The following PDSS2 variants were observed in gnomAD, a reference collection of about 807,000 sequenced individuals.
PDSS2 encodes decaprenyl diphosphate synthase subunit 2, also known as all trans-polyprenyl-diphosphate synthase PDSS2.
A neutral mutation model predicts 44.5 loss-of-function variants in PDSS2; 31 were observed. The observed-to-expected ratio is 0.70, with a 90% confidence interval of 0.52 to 0.94. The LOEUF (loss-of-function observed/expected upper bound fraction) is 0.94, where lower values mean the gene tolerates loss of function less well. PDSS2 is among the 40% of genes least tolerant of loss of function. The pLI, the probability that PDSS2 is intolerant of heterozygous loss-of-function variation, is 0.00. For missense variants in PDSS2, 452 were observed against 482.2 expected, an observed-to-expected ratio of 0.94 and a Z score of 0.59; for synonymous variants, 157 against 180.3, an observed-to-expected ratio of 0.87 and a Z score of 1.03.
chr6:107,257,880 G>T (rs1025227031), intron 3 of PDSS2, among the ~76,000 whole-genome samples: 1 of 152,192 alleles, frequency 6.6e-6, no homozygotes, highest in Non-Finnish European at 1.5e-5. Flanking sequence ...GCCTCCCAAA[G>T]TGCTGGGATT....
chr6:107,326,332 A>G (rs1267219778), intron 2 of PDSS2, among the ~76,000 whole-genome samples: 1 of 150,344 alleles, frequency 6.7e-6, no homozygotes, highest in Non-Finnish European at 1.5e-5. Flanking sequence ...CTGGTCTCAA[A>G]CTCCTGACCT....
At chr6:107,338,750 A>G (rs905671285) in intron 1 of PDSS2, among the ~76,000 whole-genome samples, 15 of 152,352 alleles carry the variant, frequency 9.8e-5, no homozygotes, top group African/African-American at 3.1e-4. Context: ...AGAGGAGGAC[A>G]CAGTTGTTTC....
rs1554264649 is a variant in PDSS2, at chr6:107,310,304, A to AG, written c.431+23893_431+23894insC. On this transcript the variant is annotated intron_variant, in intron 2 of 7. Transcript: ENST00000369037. Reference sequence around the variant, plus strand: ...CATCCCAAAAAAAAAAAAAAAAAAAAAGAGAAAGAAATGCAATTGTCTTAA... The same window carrying AG: ...CATCCCAAAAAAAAAAAAAAAAAAAAGAGAGAAAGAAATGCAATTGTCTTAA... Among the ~76,000 whole-genome samples the AG allele has an allele frequency of 5.4e-4, 78 of 143,886 alleles. 1 individual carries two copies. The highest frequency in any genetic ancestry group is 1.7e-3 in the Admixed American group (24 of 13,972). The allele number at this position is 143,886 out of a possible 152,430, so 94.4% of individuals were successfully genotyped here. A position where few individuals can be genotyped will look rare whatever the true frequency, so the allele number is the denominator to read the frequency against.
intron 1 of PDSS2, among the ~76,000 whole-genome samples, chr6:107,395,632 C>T: frequency 6.6e-6 from 1 of 151,996 alleles, no homozygotes; most frequent in Non-Finnish European, 1.5e-5. Flanking sequence ...CATTTCTCTA[C>T]TTATGTTGAT....
At chr6:107,372,745 C>CCCGG (rs1277691335) in intron 1 of PDSS2, among the ~76,000 whole-genome samples, 1 of 152,150 alleles carries the variant, frequency 6.6e-6, no homozygotes, top group East Asian at 1.9e-4. Flanking sequence ...AGCCACTGCG[C>CCCGG]CCGGCCCTAG....
At chr6:107,439,871 C>G (rs1204386844) in intron 1 of PDSS2, among the ~76,000 whole-genome samples, 1 of 152,232 alleles carries the variant, frequency 6.6e-6, no homozygotes, top group South Asian at 2.1e-4. Context: ...ATGGGACCAG[C>G]ACCTGAGAAT....
At chr6:107,406,154 TAA>T (rs2114624364) in intron 1 of PDSS2, among the ~76,000 whole-genome samples, 1 of 152,312 alleles carries the variant, frequency 6.6e-6, no homozygotes, top group South Asian at 2.1e-4. Context: ...TCTCTTCTAT[TAA>T]TAATATAGTC....
chr6:107,331,337 A>G (rs919604442), intron 2 of PDSS2, among the ~76,000 whole-genome samples: 4 of 152,214 alleles, frequency 2.6e-5, no homozygotes, highest in Non-Finnish European at 5.9e-5. Flanking sequence ...GTTTGATTAT[A>G]GAAAATAGCC....
At chr6:107,241,634 C>T (rs922347176) in intron 4 of PDSS2, among the ~76,000 whole-genome samples, 1 of 152,190 alleles carries the variant, frequency 6.6e-6, no homozygotes, top group African/African-American at 2.4e-5. Flanking sequence ...GCGTAAGCCA[C>T]CGCACCCGGC....
At chr6:107,354,045 T>A (rs1463726947) in intron 1 of PDSS2, among the ~76,000 whole-genome samples, 1 of 152,198 alleles carries the variant, frequency 6.6e-6, no homozygotes, top group Non-Finnish European at 1.5e-5. Context: ...TTGAATACAC[T>A]TGAACTATTT....
intron 1 of PDSS2, among the ~76,000 whole-genome samples, chr6:107,367,006 A>G (rs1778978251): frequency 2.0e-5 from 3 of 152,106 alleles, no homozygotes; most frequent in Non-Finnish European, 4.4e-5. Flanking sequence ...CCTAACACCA[A>G]AGCCAGACAA....
chr6:107,282,535 G>A (rs1191000959), intron 2 of PDSS2, among the ~76,000 whole-genome samples: 2 of 151,914 alleles, frequency 1.3e-5, no homozygotes, highest in African/African-American at 4.8e-5. Context: ...TAGGACTACA[G>A]GCACATACCA....
intron 1 of PDSS2, among the ~76,000 whole-genome samples, chr6:107,334,860 T>TA (rs1378815503): frequency 6.6e-6 from 1 of 152,014 alleles, no homozygotes; most frequent in Non-Finnish European, 1.5e-5. Context: ...TGGCCAGTTT[T>TA]AAAAGCGACA....
rs533550071 is a variant in PDSS2, at chr6:107,153,306, T to G, written c.*1313A>C. ...CAACGGTGTTCTCAAATTGCATGAG[T>G]GCAAACCTCAAAAATCATCTCCTAT... is the stretch of plus-strand genomic sequence containing the variant. On this transcript the variant is annotated 3_prime_UTR_variant, in exon 8 of 8. Coordinates refer to ENST00000369037, the MANE Select transcript of PDSS2 (RefSeq NM_020381.4). The G allele has an allele frequency of 6.5e-6, 1 of 152,688 alleles. No homozygotes were observed. Among genetic ancestry groups the G allele is most frequent in the South Asian group, 2.1e-4 (1 of 4,826 alleles). The allele number at this position is 152,688 out of a possible 1,614,324, so 9.5% of individuals were successfully genotyped here. A position where few individuals can be genotyped will look rare whatever the true frequency, so the allele number is the denominator to read the frequency against.
intron 1 of PDSS2, among the ~76,000 whole-genome samples, chr6:107,440,874 C>T (rs1781493482): frequency 6.6e-6 from 1 of 152,192 alleles, no homozygotes; most frequent in African/African-American, 2.4e-5. Context: ...AGCTGGGCCA[C>T]CAATGGCTTA....
chr6:107,155,880 T>A (rs1554245524), intron 7 of PDSS2, among the ~76,000 whole-genome samples: 4 of 105,006 alleles, frequency 3.8e-5, no homozygotes, highest in African/African-American at 2.0e-4. Flanking sequence ...GCCCGGCCTT[T>A]TTTTTTTTTT....
intron 1 of PDSS2, among the ~76,000 whole-genome samples, chr6:107,336,250 C>T (rs929408297): frequency 7.0e-5 from 10 of 142,966 alleles, no homozygotes; most frequent in East Asian, 2.0e-4. Flanking sequence ...AGCGAGATTC[C>T]GTCTCAGAAA....
intron 3 of PDSS2, among the ~76,000 whole-genome samples, chr6:107,248,418 G>A (rs1418720477): frequency 7.0e-6 from 1 of 142,754 alleles, no homozygotes; most frequent in African/African-American, 2.6e-5. Context: ...CATGGGGCAA[G>A]CAAACACTTT....
chr6:107,246,514 G>A (rs1409385137), intron 3 of PDSS2, among the ~76,000 whole-genome samples: 6 of 152,064 alleles, frequency 3.9e-5, no homozygotes, highest in Non-Finnish European at 8.8e-5. Flanking sequence ...CTTTGCTTCC[G>A]AAAATTCAGC....
Sources: allele counts gnomAD v4.1 joint callset (sites outside exome capture counted in the v4.1 genomes callset), GRCh38; gene constraint gnomAD v4.1.1; transcripts MANE v1.5; gene names NCBI Gene and HGNC (gene_info 2026-07-23, HGNC 2026-07-21).